The following SYCP2 variants were observed in gnomAD, a reference collection of about 807,000 sequenced individuals.
SYCP2 encodes synaptonemal complex protein 2, also known as synaptonemal complex lateral element protein.
Under a neutral mutation model 211.3 loss-of-function variants are expected in SYCP2, and 55 were observed. The observed-to-expected ratio is 0.26, with a 90% confidence interval of 0.21 to 0.33. SYCP2 has a LOEUF of 0.33. Among genes scored for constraint, SYCP2 ranks in the 10% least tolerant of loss-of-function variants. The pLI, the probability that SYCP2 is intolerant of heterozygous loss-of-function variation, is 1.00. For missense variants in SYCP2, 1,731 were observed against 1,752.0 expected, an observed-to-expected ratio of 0.99 and a Z score of 0.21; for synonymous variants, 570 against 555.2, an observed-to-expected ratio of 1.03 and a Z score of -0.37.
At chr20:59,910,310 T>C (rs891053717) in intron 14 of SYCP2, among the ~76,000 whole-genome samples, 3 of 152,032 alleles carry the variant, frequency 2.0e-5, no homozygotes, top group African/African-American at 7.2e-5. Context: ...ACACTAGGCA[T>C]TAAATACTTA....
At chr20:59,917,067 T>C (rs1435002694) in intron 7 of SYCP2, among the ~76,000 whole-genome samples, 1 of 152,200 alleles carries the variant, frequency 6.6e-6, no homozygotes, top group African/African-American at 2.4e-5. Flanking sequence ...ATGTGACTGA[T>C]TTTAATACTG....
chr20:59,926,223 C>T (rs1601001156), intron 2 of SYCP2, among the ~76,000 whole-genome samples: 1 of 152,070 alleles, frequency 6.6e-6, no homozygotes, highest in East Asian at 1.9e-4. Context: ...TGTGGACTCT[C>T]ACTGTATTAA....
intron 3 of SYCP2, 136 bp from the exon 4 acceptor site, chr20:59,921,589 A>T (rs182619727): frequency 1.5e-4 from 72 of 495,744 alleles, no homozygotes; most frequent in Admixed American, 1.3e-4. Context: ...CGTATTTTTT[A>T]AAAATATGGC....
Position 59,894,615 on chromosome 20 carries a change from T to G in SYCP2, c.1665+822A>C, listed in dbSNP as rs1338688399. Reference sequence around the variant, plus strand: ...TATGCTATAAAATTCATAGTCATATTTAAACTGGGTCAACATTGTCTAACA... The same window carrying G: ...TATGCTATAAAATTCATAGTCATATGTAAACTGGGTCAACATTGTCTAACA... On this transcript the variant is annotated intron_variant, in intron 20 of 44. Transcript: ENST00000357552. Among the ~76,000 whole-genome samples, 4 of 152,048 alleles carry G rather than the reference T, an allele frequency of 2.6e-5. No homozygotes were observed. In the East Asian group the frequency reaches 7.7e-4, roughly 29 times the overall value.
intron 12 of SYCP2, among the ~76,000 whole-genome samples, chr20:59,913,189 T>C (rs1303718947): frequency 6.8e-6 from 1 of 147,458 alleles, no homozygotes; most frequent in African/African-American, 2.4e-5. Context: ...TTTACATAGT[T>C]AGCATATTAT....
chr20:59,872,654 C>A (rs1035036107), intron 35 of SYCP2, among the ~76,000 whole-genome samples: 2 of 151,682 alleles, frequency 1.3e-5, no homozygotes, highest in Non-Finnish European at 2.9e-5. Context: ...GAACGTATTC[C>A]CTGAGAATAA....
intron 30 of SYCP2, 29 bp from the exon 31 acceptor site, chr20:59,880,500 G>GA (rs1361371182): frequency 1.7e-5 from 22 of 1,332,364 alleles, no homozygotes; most frequent in Admixed American, 2.4e-5. Context: ...AATGCATGAA[G>GA]AAATACTACA....
At chr20:59,928,801 A>T (rs2060680711) in intron 2 of SYCP2, among the ~76,000 whole-genome samples, 1 of 152,142 alleles carries the variant, frequency 6.6e-6, no homozygotes, top group Non-Finnish European at 1.5e-5. Context: ...CCATAAAAAA[A>T]TAAGGTCTAG....
intron 24 of SYCP2, among the ~76,000 whole-genome samples, chr20:59,889,488 TGAG>T (rs752737462): frequency 8.6e-5 from 13 of 151,988 alleles, no homozygotes; most frequent in Non-Finnish European, 1.5e-4. Flanking sequence ...CTTAAAGATA[TGAG>T]GTCTCCTGAT....
chr20:59,909,341 G>A (rs1160578366), intron 14 of SYCP2, among the ~76,000 whole-genome samples: 1 of 152,116 alleles, frequency 6.6e-6, no homozygotes, highest in Non-Finnish European at 1.5e-5. Context: ...AAATCACCAA[G>A]TTTGCTCAGT....
At position 59,919,508 on chromosome 20, in the gene SYCP2, T is replaced by A; in HGVS notation, c.387A>T (p.Leu129Phe). The A allele has an allele frequency of 6.3e-7, 1 of 1,594,418 alleles. No individual in the cohort carries two copies. The highest frequency in any genetic ancestry group is 8.6e-7 in the Non-Finnish European group (1 of 1,164,734). Residue 129 changes from leucine to phenylalanine, a missense_variant, in exon 6 of 45, where the codon TTA (leucine) becomes TTT (phenylalanine). Physicochemically the swap from Leu to Phe is conservative, Grantham distance 22. This residue lies in a region of SYCP2 where 335 missense variants were observed against 378.8 expected (regional missense o/e 0.88). Transcript: ENST00000357552. Reference protein sequence around the residue: ...DEAVLNMIEDLVDLLLVIHDV... With the variant: ...DEAVLNMIEDFVDLLLVIHDV... ...TGATTTTTACCAGCAGAAGATCAAC[T>A]AAGTCTTCTATCATATTTAGAACAG...
At chr20:59,866,736 C>A (rs2059345164) in intron 39 of SYCP2, 147 bp from the exon 40 acceptor site, 1 of 608,588 alleles carries the variant, frequency 1.6e-6, no homozygotes. Flanking sequence ...GTTATTTAAA[C>A]TGAAGTGTTA....
chr20:59,926,835 T>C lies in SYCP2; in HGVS notation c.-46-4376A>G, dbSNP rs556098979. ...GCAGCCTGGGTTACCCCCTTGCACA[T>C]AAGGCAGCAATGCCATTACAGGGTG... On this transcript the variant is annotated intron_variant, in intron 2 of 44. Coordinates refer to ENST00000357552, the MANE Select transcript of SYCP2 (RefSeq NM_014258.4). 1.5e-4 allele frequency among the ~76,000 whole-genome samples: 23 copies of C among 152,286 alleles called. No homozygotes were observed. In the South Asian group the frequency reaches 3.7e-3, roughly 25 times the overall value.
intron 44 of SYCP2, 27 bp from the exon 45 acceptor site, chr20:59,864,415 CTTAGA>C: frequency 6.8e-7 from 1 of 1,480,034 alleles, no homozygotes; most frequent in Non-Finnish European, 9.2e-7. Flanking sequence ...AAAAATCACA[CTTAGA>C]TTTCACATTT....
At chr20:59,919,316 C>G in intron 6 of SYCP2, 134 bp from the exon 7 acceptor site, 1 of 664,316 alleles carries the variant, frequency 1.5e-6, no homozygotes, top group Non-Finnish European at 2.6e-6. Context: ...TTTTTATTAA[C>G]TAACCATTTA....
At chr20:59,930,284 GA>G (rs1020691655) in intron 2 of SYCP2, among the ~76,000 whole-genome samples, 55 of 152,130 alleles carry the variant, frequency 3.6e-4, no homozygotes, top group African/African-American at 1.2e-3. Context: ...AATGCTTAAA[GA>G]AGTCGGGGAG....
intron 41 of SYCP2, 38 bp downstream of exon 41, chr20:59,866,255 G>A: frequency 2.2e-6 from 3 of 1,368,760 alleles, no homozygotes; most frequent in South Asian, 1.3e-5. Flanking sequence ...TAAAAATAAG[G>A]TTTTAAACTT....
intron 12 of SYCP2, among the ~76,000 whole-genome samples, chr20:59,912,853 T>G (rs148465335): frequency 5.4e-4 from 82 of 152,298 alleles, no homozygotes; most frequent in African/African-American, 1.9e-3. Flanking sequence ...TATCAGGGGT[T>G]TCCCCTTTTG....
intron 2 of SYCP2, among the ~76,000 whole-genome samples, chr20:59,931,121 TA>T (rs1257831040): frequency 6.6e-6 from 1 of 152,190 alleles, no homozygotes; most frequent in Non-Finnish European, 1.5e-5. Context: ...GATTCAGTCA[TA>T]AAAATAATAG....
Sources: allele counts gnomAD v4.1 joint callset (sites outside exome capture counted in the v4.1 genomes callset), GRCh38; gene constraint gnomAD v4.1.1; regional missense constraint gnomAD v4.1.1; transcripts MANE v1.5; gene names NCBI Gene and HGNC (gene_info 2026-07-23, HGNC 2026-07-21).